Variants in USP33 observed in about 807,000 individuals in gnomAD.
The protein encoded by USP33 is ubiquitin carboxyl-terminal hydrolase 33.
USP33 carries 46 observed loss-of-function variants against 124.2 expected under a neutral mutation model. The observed-to-expected ratio is 0.37, with a 90% CI of 0.29 to 0.47. The LOEUF (loss-of-function observed/expected upper bound fraction) is 0.47, where lower values mean the gene tolerates loss of function less well. USP33 is among the 20% of genes least tolerant of loss of function. The pLI, the probability that USP33 is intolerant of heterozygous loss-of-function variation, is 0.99. For synonymous variants in USP33, 350 were observed against 352.3 expected (o/e 0.99, Z 0.07); for missense variants, 851 against 1,070.6 (o/e 0.79, Z 2.86).
At position 77,697,875 on chromosome 1, in the gene USP33, T is replaced by C; in HGVS notation, c.2566A>G (p.Met856Val). 6.2e-7 allele frequency: 1 copy of C among 1,610,148 alleles called. No individual in the cohort carries two copies. Residue 856 changes from methionine (M) to valine (V), a missense_variant, in exon 23 of 24, where the codon ATG (methionine) becomes GTG (valine). Around this residue, in one of 4 missense-constraint regions of USP33, gnomAD observed 142 missense variants for 141.8 expected, o/e 1.00. Coordinates refer to ENST00000370794, the MANE Select transcript of USP33 (RefSeq NM_201624.3). ...KIAVTKCGNVMLRQGADSGQI... is the reference protein window; with the variant it reads ...KIAVTKCGNVVLRQGADSGQI... ...GAGTCAAACTTACCTTGCCTAAGCA[T>C]CACATTACCACATTTAGTGACTGCA...
chr1:77,753,891 G>T (rs987593552), intron 1 of USP33, among the ~76,000 whole-genome samples: 1 of 151,632 alleles, frequency 6.6e-6, no homozygotes, highest in African/African-American at 2.4e-5. Flanking sequence ...GGGTGATATA[G>T]TAAGTACTCA....
At chr1:77,709,876 T>TACACACAC (rs1243171871) in intron 21 of USP33, among the ~76,000 whole-genome samples, 2 of 116,374 alleles carry the variant, frequency 1.7e-5, no homozygotes, top group African/African-American at 8.0e-5. Flanking sequence ...TATACATGCA[T>TACACACAC]ACACATACAC....
intron 1 of USP33, among the ~76,000 whole-genome samples, chr1:77,750,363 C>T (rs1215051075): frequency 6.6e-6 from 1 of 151,516 alleles, no homozygotes; most frequent in Non-Finnish European, 1.5e-5. Context: ...CCACGCATGA[C>T]AGCTCAGGTC....
chr1:77,738,219 C>T (rs756741679), intron 5 of USP33, among the ~76,000 whole-genome samples: 5 of 152,130 alleles, frequency 3.3e-5, no homozygotes, highest in Non-Finnish European at 7.4e-5. Flanking sequence ...AAACATACAA[C>T]AGAAAAACCT....
intron 21 of USP33, among the ~76,000 whole-genome samples, chr1:77,710,858 T>C (rs531774647): frequency 9.2e-5 from 14 of 152,168 alleles, no homozygotes; most frequent in Non-Finnish European, 1.8e-4. Flanking sequence ...TCTTAAATAG[T>C]TGGAGTTATG....
chr1:77,721,779 A>T, intron 14 of USP33, 52 bp downstream of exon 14: 1 of 1,479,322 alleles, frequency 6.8e-7, no homozygotes, highest in Non-Finnish European at 9.2e-7. Context: ...TAGTCCCACT[A>T]GTATTTTAGA....
In USP33 at chr1:77,706,267, A is replaced by G. The variant is rs528518925; in HGVS notation, c.2407-4796T>C. On this transcript the variant is annotated intron_variant, in intron 21 of 23. Transcript: ENST00000370794. ...GCACACAGCATTTTGCATGCTCATC[A>G]TTGATATTCATAGGAATTCCCTAAT... 2.6e-5 allele frequency among the ~76,000 whole-genome samples: 4 copies of G among 152,308 alleles called. No homozygotes were observed. In the East Asian group the frequency reaches 7.7e-4, roughly 29 times the overall value.
chr1:77,741,762 A>G lies in USP33; in HGVS notation c.-51-14T>C. The G allele has an allele frequency of 6.5e-7, 1 of 1,543,094 alleles. No homozygotes were observed. The highest frequency in any genetic ancestry group is 2.3e-5 in the East Asian group (1 of 43,410). ...ATGAGGTAACACCTATAAGAAAAGT[A>G]ACACACACAAAAAAATTAATAAATG... On this transcript the variant is annotated splice_polypyrimidine_tract_variant and intron_variant, in intron 1 of 23. Coordinates refer to ENST00000370794, the MANE Select transcript of USP33 (RefSeq NM_201624.3).
In USP33 at chr1:77,718,789, C is replaced by A. The variant is rs1287373326; in HGVS notation, c.1692-148G>T. On this transcript the variant is annotated intron_variant, in intron 15 of 23. Transcript: ENST00000370794. ...TACTAAAAATACAAAATTAGCCAGG[C>A]ATGGTGGCACATGCCTGTAGTCCCA... The A allele has an allele frequency of 1.2e-5, 7 of 592,582 alleles. No individual in the cohort carries two copies. In the African/African-American group the frequency reaches 1.3e-4, roughly 11 times the overall value. The allele number at this position is 592,582 out of a possible 1,614,324, so 36.7% of individuals were successfully genotyped here.
chr1:77,759,281 A>G (rs1418064050), intron 1 of USP33: 1 of 271,294 alleles, frequency 3.7e-6, no homozygotes, highest in East Asian at 6.2e-5. Context: ...TCACCCACTG[A>G]GAGGGACTGG....
At chr1:77,755,382 G>A (rs902219703) in intron 1 of USP33, among the ~76,000 whole-genome samples, 1 of 152,184 alleles carries the variant, frequency 6.6e-6, no homozygotes, top group Non-Finnish European at 1.5e-5. Flanking sequence ...TCTAAACACA[G>A]TAATGCTTCC....
chr1:77,717,217 T>C (rs1213015653), intron 17 of USP33, among the ~76,000 whole-genome samples: 1 of 150,788 alleles, frequency 6.6e-6, no homozygotes, highest in South Asian at 2.2e-4. Flanking sequence ...GGGCCAGGCA[T>C]GGTGGCTCAC....
At chr1:77,721,371 C>A in intron 14 of USP33, 166 bp from the exon 15 acceptor site, 1 of 652,346 alleles carries the variant, frequency 1.5e-6, no homozygotes, top group South Asian at 2.0e-5. Flanking sequence ...ACCTTCCCCT[C>A]CCTTAACTCC....
Position 77,718,155 on chromosome 1 carries a change from G to A in USP33, c.1738-108C>T, listed in dbSNP as rs1676137281. ...TATTCAACAAGCAAGAAACTGAGGT[G>A]TTCAATCAAATTACAATTATGAAGT... On this transcript the variant is annotated intron_variant, in intron 16 of 23. Transcript: ENST00000370794. 3.3e-6 allele frequency: 3 copies of A among 916,732 alleles called. No individual in the cohort carries two copies. The African/African-American group carries it at 5.1e-5, about 16-fold the overall frequency. The allele number at this position is 916,732 out of a possible 1,614,324, so 56.8% of individuals were successfully genotyped here.
At chr1:77,736,251 T>C (rs1010113507) in intron 5 of USP33, 93 bp from the exon 6 acceptor site, 5 of 692,006 alleles carry the variant, frequency 7.2e-6, no homozygotes, top group African/African-American at 1.8e-5. Flanking sequence ...ACCATAAAAA[T>C]TATTGAGATG....
At chr1:77,719,864 A>T (rs1676360400) in intron 15 of USP33, among the ~76,000 whole-genome samples, 1 of 151,204 alleles carries the variant, frequency 6.6e-6, no homozygotes, top group African/African-American at 2.4e-5. Flanking sequence ...AAGAAAAAAA[A>T]AAAAAAAAAA....
At chr1:77,713,945 T>C (rs1167404450) in intron 19 of USP33, among the ~76,000 whole-genome samples, 6 of 152,210 alleles carry the variant, frequency 3.9e-5, no homozygotes. Flanking sequence ...CACCTTAAAA[T>C]TTCTATGTCC....
In USP33 at chr1:77,759,799, C is replaced by G. The variant is rs1300052408; in HGVS notation, c.-208G>C. ...CCCGCAGCGCTGCCCTCGGGGGGTC[C>G]GCCTCCTGAACTGGCCACTTCCCGC... On this transcript the variant is annotated 5_prime_UTR_variant, in exon 1 of 24. Transcript: ENST00000370794. The G allele has an allele frequency of 5.0e-6, 2 of 397,474 alleles. No homozygotes were observed. Among genetic ancestry groups the G allele is most frequent in the East Asian group, 3.6e-5 (1 of 28,036 alleles). The allele number at this position is 397,474 out of a possible 1,614,324, so 24.6% of individuals were successfully genotyped here.
rs375233314 is a variant in USP33, at chr1:77,755,687, C to T, written c.-52+3956G>A. Among the ~76,000 whole-genome samples, 12 of 152,280 alleles carry T rather than the reference C, an allele frequency of 7.9e-5. 1 individual carries two copies. The East Asian group carries it at 1.5e-3, about 20-fold the overall frequency. On this transcript the variant is annotated intron_variant, in intron 1 of 23. Transcript: ENST00000370794. ...CACGCCAGGCTGGGCAAGAGTGAGA[C>T]CCTTTCACAAAAAAGTAAAATATAT...
Sources: allele counts gnomAD v4.1 joint callset (sites outside exome capture counted in the v4.1 genomes callset), GRCh38; gene constraint gnomAD v4.1.1; regional missense constraint gnomAD v4.1.1; transcripts MANE v1.5; gene names NCBI Gene and HGNC (gene_info 2026-07-23, HGNC 2026-07-21).